The following SLC35F4 variants were observed in gnomAD, a reference collection of about 807,000 sequenced individuals.
The protein encoded by SLC35F4 is solute carrier family 35 member F4, also known as chromosome 14 open reading frame 36.
In SLC35F4, 24 loss-of-function variants were observed where a neutral mutation model predicts 44.2. The ratio of observed to expected loss-of-function variants is 0.54; its 90% CI spans 0.39 to 0.76. SLC35F4 has a LOEUF of 0.76. Among genes scored for constraint, SLC35F4 ranks in the 30% least tolerant of loss-of-function variants. The probability of loss-of-function intolerance (pLI) is 0.00; values close to 1 mark genes in which losing one functional copy is unlikely to be tolerated. For missense variants in SLC35F4, 562 were observed against 586.1 expected, an observed-to-expected ratio of 0.96 and a Z score of 0.42; for synonymous variants, 238 against 223.6, an observed-to-expected ratio of 1.06 and a Z score of -0.57.
At chr14:57,654,457 G>A (rs2073893668) in intron 1 of SLC35F4, among the ~76,000 whole-genome samples, 2 of 152,146 alleles carry the variant, frequency 1.3e-5, no homozygotes, top group Non-Finnish European at 2.9e-5. Flanking sequence ...ATTCCACAGT[G>A]TATATATACC....
At chr14:57,592,578 T>C (rs1232027586) in intron 2 of SLC35F4, among the ~76,000 whole-genome samples, 3 of 152,214 alleles carry the variant, frequency 2.0e-5, no homozygotes, top group African/African-American at 7.2e-5. Flanking sequence ...ACTGGGGTAA[T>C]AGGAATATTG....
intron 1 of SLC35F4, among the ~76,000 whole-genome samples, chr14:57,663,867 G>A (rs1197106291): frequency 2.6e-5 from 4 of 152,114 alleles, no homozygotes; most frequent in Non-Finnish European, 5.9e-5. Context: ...TTGCAAATTG[G>A]CAGTTCACAG....
chr14:57,947,797 G>T (rs1440464736), intron 1 of SLC35F4, among the ~76,000 whole-genome samples: 2 of 151,964 alleles, frequency 1.3e-5, no homozygotes, highest in Non-Finnish European at 2.9e-5. Flanking sequence ...TATGATTTTT[G>T]TTTTTAGCTC....
chr14:57,711,823 A>T (rs1425472553), intron 1 of SLC35F4, among the ~76,000 whole-genome samples: 1 of 152,194 alleles, frequency 6.6e-6, no homozygotes, highest in Non-Finnish European at 1.5e-5. Context: ...AATCCAATGT[A>T]CCCCAGAGCT....
upstream of SLC35F4, chr14:57,866,147 A>G (rs1888145960): frequency 5.8e-6 from 1 of 172,872 alleles, no homozygotes; most frequent in Non-Finnish European, 1.2e-5. Context: ...TGGGCGCCCC[A>G]CCTGGTCGCC....
chr14:57,676,442 G>T (rs1224508849), intron 1 of SLC35F4, among the ~76,000 whole-genome samples: 1 of 152,066 alleles, frequency 6.6e-6, no homozygotes, highest in Non-Finnish European at 1.5e-5. Flanking sequence ...GGGGAAGAGA[G>T]AGCACCAGGA....
intron 1 of SLC35F4, among the ~76,000 whole-genome samples, chr14:57,768,372 A>G (rs1308116316): frequency 6.6e-6 from 1 of 152,210 alleles, no homozygotes; most frequent in Non-Finnish European, 1.5e-5. Flanking sequence ...TTCCCTTTTT[A>G]GTCAAAGAGG....
intron 1 of SLC35F4, among the ~76,000 whole-genome samples, chr14:57,635,028 T>C (rs2072956984): frequency 1.3e-5 from 2 of 151,914 alleles, no homozygotes; most frequent in Admixed American, 6.6e-5. Flanking sequence ...CGCAGGAGGA[T>C]CACTTGAGGC....
chr14:57,586,046 C>A (rs150143734), intron 3 of SLC35F4, among the ~76,000 whole-genome samples: 38 of 152,262 alleles, frequency 2.5e-4, no homozygotes, highest in African/African-American at 7.7e-4. Flanking sequence ...AAGAACAAAG[C>A]TGGAGGCATC....
At position 57,905,926 on chromosome 14, in the gene SLC35F4, G is replaced by C. The variant is rs79690729; in HGVS notation, n.282+75987C>G. Reference sequence around the variant, plus strand: ...AAGTTTAAAAGGGTTTGAAGCAAAGGCATCAAACTCCAAAAGACAGAGCCC... The same window carrying C: ...AAGTTTAAAAGGGTTTGAAGCAAAGCCATCAAACTCCAAAAGACAGAGCCC... On this transcript the variant is annotated intron_variant and non_coding_transcript_variant, in intron 1 of 1. Transcript: ENST00000556568. Among the ~76,000 whole-genome samples the C allele has an allele frequency of 5.6e-4, 85 of 152,182 alleles. 1 individual carries two copies. In the East Asian group the frequency reaches 0.014, roughly 25 times the overall value.
intron 1 of SLC35F4, among the ~76,000 whole-genome samples, chr14:57,844,169 C>T (rs554962361): frequency 6.6e-6 from 1 of 152,284 alleles, no homozygotes; most frequent in African/African-American, 2.4e-5. Context: ...ATTAATGACA[C>T]ATTTGAGGAA....
chr14:57,934,687 A>G (rs1889764826), intron 1 of SLC35F4, among the ~76,000 whole-genome samples: 1 of 152,032 alleles, frequency 6.6e-6, no homozygotes, highest in African/African-American at 2.4e-5. Context: ...TTGTCCCCTA[A>G]TGAAGCCAGG....
At chr14:57,951,063 C>A (rs910147167) in intron 1 of SLC35F4, among the ~76,000 whole-genome samples, 3 of 152,104 alleles carry the variant, frequency 2.0e-5, no homozygotes, top group African/African-American at 7.2e-5. Flanking sequence ...AGAGATCAAC[C>A]CAGAAGGAGG....
At chr14:57,884,513 G>C (rs1351235748) in intron 1 of SLC35F4, among the ~76,000 whole-genome samples, 1 of 152,078 alleles carries the variant, frequency 6.6e-6, no homozygotes, top group Non-Finnish European at 1.5e-5. Flanking sequence ...TCTCTCCAAA[G>C]GGAATAGTTT....
At chr14:57,836,534 G>A (rs1232004297) in intron 1 of SLC35F4, among the ~76,000 whole-genome samples, 3 of 151,966 alleles carry the variant, frequency 2.0e-5, no homozygotes, top group Admixed American at 6.6e-5. Flanking sequence ...CTCGTGATCC[G>A]CCTGCCTCAG....
chr14:57,583,888 TGAG>T (rs2069490502), intron 3 of SLC35F4, among the ~76,000 whole-genome samples: 1 of 152,182 alleles, frequency 6.6e-6, no homozygotes, highest in African/African-American at 2.4e-5. Flanking sequence ...TTTGGGATGA[TGAG>T]ATCAGACTTT....
At chr14:57,566,276 A>C (rs1256684644) in intron 7 of SLC35F4, among the ~76,000 whole-genome samples, 199 bp downstream of exon 7, 1 of 152,244 alleles carries the variant, frequency 6.6e-6, no homozygotes, top group Non-Finnish European at 1.5e-5. Flanking sequence ...AACCAAGTAA[A>C]AACAGTGTTT....
At chr14:57,698,334 A>G (rs2075441474) in intron 1 of SLC35F4, among the ~76,000 whole-genome samples, 2 of 152,308 alleles carry the variant, frequency 1.3e-5, no homozygotes, top group South Asian at 2.1e-4. Context: ...ATTCTCCCTT[A>G]GGATGAATTC....
chr14:57,567,100 C>G (rs2068243696), intron 6 of SLC35F4, among the ~76,000 whole-genome samples: 1 of 152,238 alleles, frequency 6.6e-6, no homozygotes, highest in Non-Finnish European at 1.5e-5. Flanking sequence ...CAGAGACTGT[C>G]TCCACATTCT....
Sources: gnomAD v4.1 joint callset for allele counts (sites outside exome capture counted in the v4.1 genomes callset) on GRCh38, gnomAD v4.1.1 for gene constraint, MANE v1.5 for transcripts, NCBI Gene and HGNC (gene_info 2026-07-23, HGNC 2026-07-21) for gene names.